Variants in SPECC1L observed in about 807,000 individuals in gnomAD.
SPECC1L encodes cytospin-A.
SPECC1L carries 40 observed loss-of-function variants against 116.8 expected under a neutral mutation model. The observed-to-expected ratio is 0.34, with a 90% confidence interval of 0.27 to 0.45. The LOEUF is 0.45. SPECC1L is among the 20% of genes least tolerant of loss of function. The pLI is 1.00. For missense variants in SPECC1L, 1,110 were observed against 1,373.6 expected (o/e 0.81, Z 3.03); for synonymous variants, 504 against 500.6 (o/e 1.01, Z -0.09).
At chr22:24,338,314 C>T in intron 9 of SPECC1L, 72 bp from the exon 10 acceptor site, 1 of 1,455,036 alleles carries the variant, frequency 6.9e-7, no homozygotes, top group African/African-American at 1.4e-5. Flanking sequence ...TCAGGCGAGT[C>T]CTTAAGTGGA....
At chr22:24,328,492 A>T (rs1289825166) in intron 6 of SPECC1L, among the ~76,000 whole-genome samples, 1 of 152,194 alleles carries the variant, frequency 6.6e-6, no homozygotes, top group Non-Finnish European at 1.5e-5. Context: ...ACTGCAGATT[A>T]ATAATACTTG....
intron 14 of SPECC1L, among the ~76,000 whole-genome samples, chr22:24,410,372 C>A (rs2042671934): frequency 6.6e-6 from 1 of 152,208 alleles, no homozygotes; most frequent in South Asian, 2.1e-4. Flanking sequence ...AGCTTAGAGT[C>A]CCTGATCTGG....
chr22:24,340,643 T>C (rs891007485), intron 10 of SPECC1L, among the ~76,000 whole-genome samples: 5 of 152,212 alleles, frequency 3.3e-5, no homozygotes, highest in African/African-American at 1.2e-4. Flanking sequence ...GTGAAAAATA[T>C]TTCTACAAGT....
At chr22:24,296,660 A>C (rs1229148643) in intron 2 of SPECC1L, among the ~76,000 whole-genome samples, 21 of 152,218 alleles carry the variant, frequency 1.4e-4, no homozygotes, top group African/African-American at 4.8e-4. Context: ...CTGCTCTGTA[A>C]TCTCTGCCTG....
intron 11 of SPECC1L, among the ~76,000 whole-genome samples, chr22:24,351,326 A>G (rs2041417402): frequency 6.6e-6 from 1 of 152,216 alleles, no homozygotes; most frequent in African/African-American, 2.4e-5. Flanking sequence ...GGCAAAGACT[A>G]CCGTTTAATT....
intron 11 of SPECC1L, among the ~76,000 whole-genome samples, chr22:24,352,098 C>G (rs764799142): frequency 2.0e-4 from 31 of 152,004 alleles, no homozygotes; most frequent in Non-Finnish European, 4.0e-4. Flanking sequence ...AGAAATCTTA[C>G]TATAAATGCA....
chr22:24,394,315 G>A (rs2042326413), intron 14 of SPECC1L, among the ~76,000 whole-genome samples: 2 of 152,144 alleles, frequency 1.3e-5, no homozygotes, highest in East Asian at 3.9e-4. Flanking sequence ...CATCTTCCAG[G>A]TTGCAGACTG....
At chr22:24,364,332 C>G (rs1217288198) in intron 12 of SPECC1L, among the ~76,000 whole-genome samples, 2 of 152,128 alleles carry the variant, frequency 1.3e-5, no homozygotes, top group Non-Finnish European at 2.9e-5. Context: ...TGACTTGATA[C>G]GTTTTGGTTT....
intron 2 of SPECC1L, among the ~76,000 whole-genome samples, chr22:24,283,236 G>A (rs2048979566): frequency 6.6e-6 from 1 of 151,870 alleles, no homozygotes; most frequent in Admixed American, 6.6e-5. Flanking sequence ...TGGCCACCAT[G>A]CCCGGCTAAT....
intron 2 of SPECC1L, among the ~76,000 whole-genome samples, chr22:24,298,992 T>A (rs2049321996): frequency 6.6e-6 from 1 of 152,192 alleles, no homozygotes; most frequent in Non-Finnish European, 1.5e-5. Context: ...ATTGATAGCA[T>A]TCATGATAGG....
chr22:24,325,423 G>A (rs928543258), intron 6 of SPECC1L, among the ~76,000 whole-genome samples: 16 of 152,098 alleles, frequency 1.1e-4, no homozygotes, highest in African/African-American at 2.9e-4. Flanking sequence ...GAGTAAAAAC[G>A]TAGTCATGAC....
At chr22:24,271,309 C>T (rs2146306956) in intron 1 of SPECC1L, among the ~76,000 whole-genome samples, 2 of 152,348 alleles carry the variant, frequency 1.3e-5, no homozygotes, top group Middle Eastern at 3.4e-3. Context: ...CGGGTGCGAC[C>T]CTCGTGCTTG....
intron 2 of SPECC1L, among the ~76,000 whole-genome samples, chr22:24,282,398 T>G (rs931538495): frequency 6.6e-6 from 1 of 152,208 alleles, no homozygotes; most frequent in Non-Finnish European, 1.5e-5. Flanking sequence ...CTCCCGAAGT[T>G]AGTTCAGTCT....
chr22:24,374,099 G>A (rs368827493), intron 14 of SPECC1L, among the ~76,000 whole-genome samples: 14 of 151,826 alleles, frequency 9.2e-5, no homozygotes, highest in South Asian at 6.2e-4. Flanking sequence ...TTAGAATGGC[G>A]ATCATTAAAA....
chr22:24,287,612 C>T (rs2049066356), intron 2 of SPECC1L, among the ~76,000 whole-genome samples: 1 of 152,126 alleles, frequency 6.6e-6, no homozygotes, highest in Non-Finnish European at 1.5e-5. Context: ...AGGGTATAGG[C>T]CACCCTTGAG....
At chr22:24,322,967 C>T in intron 5 of SPECC1L, 49 bp downstream of exon 5, 1 of 1,608,826 alleles carries the variant, frequency 6.2e-7, no homozygotes, top group African/African-American at 1.3e-5. Flanking sequence ...AGGCAGCTGC[C>T]ATGCACAGTG....
At chr22:24,309,741 T>G (rs754326539) in intron 3 of SPECC1L, among the ~76,000 whole-genome samples, 10 of 152,218 alleles carry the variant, frequency 6.6e-5, no homozygotes, top group Non-Finnish European at 1.3e-4. Flanking sequence ...GCTTGAGAGT[T>G]TGAGGATTTA....
intron 2 of SPECC1L, among the ~76,000 whole-genome samples, chr22:24,301,281 C>T (rs1034283249): frequency 2.6e-5 from 4 of 152,146 alleles, no homozygotes; most frequent in African/African-American, 9.7e-5. Context: ...AAGAAAACAA[C>T]CCCATCAAAA....
chr22:24,330,179 CAT>C, intron 7 of SPECC1L, 75 bp from the exon 8 acceptor site: 5 of 1,480,592 alleles, frequency 3.4e-6, no homozygotes, highest in Non-Finnish European at 4.7e-6. Context: ...GCAATCCAAT[CAT>C]AAACAAATTT....
Sources: allele counts gnomAD v4.1 joint callset (sites outside exome capture counted in the v4.1 genomes callset), GRCh38; gene constraint gnomAD v4.1.1; transcripts MANE v1.5; gene names NCBI Gene and HGNC (gene_info 2026-07-23, HGNC 2026-07-21).